TRRAP: variants seen among roughly 807,000 people sequenced by gnomAD.
TRRAP encodes transformation/transcription domain-associated protein.
TRRAP carries 41 observed loss-of-function variants against 438.8 expected under a neutral mutation model. The observed-to-expected ratio is 0.09, with a 90% confidence interval of 0.07 to 0.12. The LOEUF (loss-of-function observed/expected upper bound fraction) is 0.12. Among genes scored for constraint, TRRAP ranks in the 10% least tolerant of loss-of-function variants. TRRAP has a pLI of 1.00. For synonymous variants in TRRAP, 1,994 were observed against 1,962.9 expected (o/e 1.02, Z -0.42); for missense variants, 3,122 against 5,055.1 (o/e 0.62, Z 11.60).
intron 51 of TRRAP, among the ~76,000 whole-genome samples, chr7:98,968,080 A>G (rs1313683143): frequency 6.6e-6 from 1 of 151,318 alleles, no homozygotes; most frequent in Non-Finnish European, 1.5e-5. Context: ...GTGAAGTGGT[A>G]TGATCTCAGC....
rs1791297360 is a variant in TRRAP, at chr7:98,950,758, C to A, written c.5335-118C>A. The A allele has an allele frequency of 4.7e-6, 6 of 1,276,756 alleles. No individual in the cohort carries two copies. In the South Asian group the frequency reaches 8.6e-5, roughly 18 times the overall value. 79.1% of individuals were successfully genotyped at this position (1,276,756 alleles called of 1,614,324 possible). A position where few individuals can be genotyped will look rare whatever the true frequency, so the allele number is the denominator to read the frequency against. On this transcript the variant is annotated intron_variant, in intron 38 of 72. Coordinates refer to ENST00000456197, the MANE Select transcript of TRRAP (RefSeq NM_001375524.1). Reference sequence around the variant, plus strand: ...TAGGAGTCAAGGTTGGTAGTCACACCCTGGGTTGAGTTCCAACTTGATGGT... The same window carrying A: ...TAGGAGTCAAGGTTGGTAGTCACACACTGGGTTGAGTTCCAACTTGATGGT...
Position 98,956,075 on chromosome 7 carries a change from G to T in TRRAP, c.5938-71G>T. On this transcript the variant is annotated intron_variant, in intron 41 of 72. Coordinates refer to ENST00000456197, the MANE Select transcript of TRRAP (RefSeq NM_001375524.1). The surrounding 1 kb of genome is among the most constrained non-coding windows in gnomAD (Gnocchi z 4.5). ...GCATGTCGGGGGTGTGTGTGTGCAC[G>T]TGCGCACACGTGCATGCACTGTGGG... 1 of 1,530,606 alleles carries T rather than the reference G, an allele frequency of 6.5e-7. No homozygotes were observed. 94.8% of individuals were successfully genotyped at this position (1,530,606 alleles called of 1,614,324 possible).
rs150916862 is a variant in TRRAP at position 98,916,635 on chromosome 7, C to T, written c.2365+747C>T. ...GTGGACCATAACCTGGCTCCATGTC[C>T]GGATTTAACCCTGTCTCTAGTTAAT... On this transcript the variant is annotated intron_variant, in intron 19 of 72. Coordinates refer to ENST00000456197, the MANE Select transcript of TRRAP (RefSeq NM_001375524.1). Among the ~76,000 whole-genome samples the T allele has an allele frequency of 5.3e-5, 8 of 152,262 alleles. No individual in the cohort carries two copies. In the East Asian group the frequency reaches 5.8e-4, roughly 11 times the overall value.
chr7:98,917,583 C>T lies in TRRAP; in HGVS notation c.2526C>T (p.Val842=), dbSNP rs781901468. The T allele has an allele frequency of 3.1e-5, 50 of 1,614,076 alleles. No homozygotes were observed. The Admixed American group carries it at 7.0e-4, about 23-fold the overall frequency. Residue 842 remains valine, a synonymous_variant, in exon 20 of 73, where the codon GTC becomes GTT. Transcript: ENST00000456197. ...CACTCAATGGGTCTCAGACATTGGT[C>T]AGCCAAGGCCTCAGGACGCTGGAGC... ...VSALNGSQTL[V]SQGLRTLELC...
At chr7:98,928,439 C>CT in intron 23 of TRRAP, among the ~76,000 whole-genome samples, 1 of 152,302 alleles carries the variant, frequency 6.6e-6, no homozygotes, top group South Asian at 2.1e-4. Context: ...GAATTTTCCC[C>CT]TTTAACTTTT....
At chr7:98,917,705 T>A in intron 20 of TRRAP, 26 bp downstream of exon 20, 1 of 1,605,996 alleles carries the variant, frequency 6.2e-7, no homozygotes, top group South Asian at 1.1e-5. Flanking sequence ...GGTTGTTAGC[T>A]GGCTGCTTCC....
At chr7:98,935,213 G>A (rs1790504310) in intron 27 of TRRAP, among the ~76,000 whole-genome samples, 1 of 152,118 alleles carries the variant, frequency 6.6e-6, no homozygotes, top group Non-Finnish European at 1.5e-5. Flanking sequence ...TGAGGCCCTG[G>A]GGAGGCTGAT....
At position 98,983,467 on chromosome 7, in the gene TRRAP, G is replaced by A. The variant is rs545210138; in HGVS notation, c.9022+8G>A. On this transcript the variant is annotated splice_region_variant and intron_variant, in intron 60 of 72. Coordinates refer to ENST00000456197, the MANE Select transcript of TRRAP (RefSeq NM_001375524.1). The stretch of plus-strand genomic sequence containing the variant: ...GGCAGCATCATTACCAGGGTAAACC[G>A]ACCTGGTCCGGCATGCATTCATCAT... The A allele has an allele frequency of 1.1e-5, 18 of 1,613,936 alleles. No homozygotes were observed. Among genetic ancestry groups the A allele is most frequent in the Admixed American group, 1.0e-4 (6 of 60,012 alleles).
In TRRAP at chr7:98,927,149, TC is replaced by T. The variant is rs782349731; in HGVS notation, c.2976-17del. The T allele has an allele frequency of 1.9e-6, 3 of 1,614,034 alleles. No individual in the cohort carries two copies. The African/African-American group carries it at 4.0e-5, about 22-fold the overall frequency. On this transcript the variant is annotated splice_polypyrimidine_tract_variant and intron_variant, in intron 22 of 72. Transcript: ENST00000456197. ...AGGAGTTGGGTGTCGTGACACCAGA[TC>T]TGATTTTGCCTTTCAGCTTTACAGA... is the stretch of plus-strand genomic sequence containing the variant.
chr7:98,902,969 G>A (rs1398159303), intron 11 of TRRAP, among the ~76,000 whole-genome samples: 1 of 151,144 alleles, frequency 6.6e-6, no homozygotes, highest in Non-Finnish European at 1.5e-5. Context: ...CCCAGCTACT[G>A]AGGTGGGAGG....
chr7:98,886,389 T>C lies in TRRAP; in HGVS notation c.151-3946T>C, dbSNP rs112422605. On this transcript the variant is annotated intron_variant, in intron 3 of 72. Transcript: ENST00000456197. ...AGATAGATATAGATATCTAGAGAGA[T>C]AGAGATAGATATAGATATCTAGAGA... Among the ~76,000 whole-genome samples, 1,239 of 151,358 alleles carry C rather than the reference T, an allele frequency of 8.2e-3. 11 individuals are homozygous for C. The highest frequency in any genetic ancestry group is 0.026 in the African/African-American group (1,070 of 41,022).
At chr7:98,899,605 G>A in intron 9 of TRRAP, 74 bp from the exon 10 acceptor site, 1 of 1,605,190 alleles carries the variant, frequency 6.2e-7, no homozygotes, top group African/African-American at 1.3e-5. Context: ...ATAATGTGAT[G>A]ATTCTTCGGT....
chr7:98,974,825 A>G (rs1400436139), intron 53 of TRRAP, among the ~76,000 whole-genome samples: 1 of 152,250 alleles, frequency 6.6e-6, no homozygotes, highest in Non-Finnish European at 1.5e-5. Flanking sequence ...CATCTCCTTA[A>G]ACCATGCAGA....
chr7:98,960,053 A>G (rs1305116475), intron 45 of TRRAP, among the ~76,000 whole-genome samples: 3 of 151,984 alleles, frequency 2.0e-5, no homozygotes, highest in African/African-American at 4.8e-5. Flanking sequence ...GTTCTCTTGC[A>G]TTTTGTGGAC....
chr7:98,990,448 G>C lies in TRRAP; in HGVS notation c.9592-7G>C. 1 of 1,611,520 alleles carries C rather than the reference G, an allele frequency of 6.2e-7. No homozygotes were observed. The highest frequency in any genetic ancestry group is 8.5e-7 in the Non-Finnish European group (1 of 1,177,788). ...ATTCTACTCTAGAATTTCTCCTTCT[G>C]TCTCAGGTGCTGTGGCTTTTGAGTT... On this transcript the variant is annotated splice_polypyrimidine_tract_variant and splice_region_variant and intron_variant, in intron 63 of 72. Transcript: ENST00000456197.
intron 39 of TRRAP, 69 bp downstream of exon 39, chr7:98,951,073 G>GTGTGTA (rs1248271497): frequency 9.3e-6 from 12 of 1,295,160 alleles, no homozygotes; most frequent in African/African-American, 3.0e-5. Context: ...GTGTGTGTGT[G>GTGTGTA]TGTGTGTGTG....
rs540617376 is a variant in TRRAP, at chr7:98,969,637, C to T, written c.7513-475C>T. ...CCTGTGGGGAAGAACGGTGTGGTGGCGAGTGGCCCAACTGCAGAGGCAGGC... is the reference window on the plus strand; with the variant it reads ...CCTGTGGGGAAGAACGGTGTGGTGGTGAGTGGCCCAACTGCAGAGGCAGGC... On this transcript the variant is annotated intron_variant, in intron 51 of 72. Coordinates refer to ENST00000456197, the MANE Select transcript of TRRAP (RefSeq NM_001375524.1). Among the ~76,000 whole-genome samples, 18 of 151,654 alleles carry T rather than the reference C, an allele frequency of 1.2e-4. No individual in the cohort carries two copies. The South Asian group carries it at 1.5e-3, about 12-fold the overall frequency.
chr7:98,989,774 A>G (rs996226691), intron 63 of TRRAP, among the ~76,000 whole-genome samples: 6 of 152,190 alleles, frequency 3.9e-5, no homozygotes, highest in African/African-American at 1.4e-4. Flanking sequence ...CGGGGTGATG[A>G]GCATCTGAGA....
chr7:98,978,608 C>G (rs1792774851), intron 57 of TRRAP, among the ~76,000 whole-genome samples, 161 bp from the exon 58 acceptor site: 1 of 152,180 alleles, frequency 6.6e-6, no homozygotes. Context: ...AGGGGGCTCT[C>G]CCCACAATGG....
Sources: gnomAD v4.1 joint callset for allele counts (sites outside exome capture counted in the v4.1 genomes callset) on GRCh38, gnomAD v4.1.1 for gene constraint, Gnocchi (gnomAD v3.1) non-coding constraint, MANE v1.5 for transcripts, NCBI Gene and HGNC (gene_info 2026-07-23, HGNC 2026-07-21) for gene names.